PDIA6: variants seen among roughly 807,000 people sequenced by gnomAD.
PDIA6 encodes protein disulfide isomerase family A member 6, also known as protein disulfide-isomerase A6.
PDIA6 carries 29 observed loss-of-function variants against 58.4 expected under a neutral mutation model. That is an observed-to-expected ratio of 0.50 (90% CI 0.37 to 0.68). The LOEUF (loss-of-function observed/expected upper bound fraction) is 0.68, where lower values mean the gene tolerates loss of function less well. PDIA6 is among the 30% of genes least tolerant of loss of function. PDIA6 has a pLI of 0.00. For synonymous variants in PDIA6, 192 were observed against 202.6 expected, an observed-to-expected ratio of 0.95 and a Z score of 0.44; for missense variants, 480 against 551.0, an observed-to-expected ratio of 0.87 and a Z score of 1.29.
intron 1 of PDIA6, among the ~76,000 whole-genome samples, chr2:10,819,945 C>T (rs982667626): frequency 2.0e-5 from 3 of 152,166 alleles, no homozygotes; most frequent in African/African-American, 7.2e-5. Context: ...TCCTGCTGGT[C>T]TCTATTAGAT....
At chr2:10,819,773 T>TA (rs5829277) in intron 1 of PDIA6, among the ~76,000 whole-genome samples, 38,223 of 152,170 alleles carry the variant, frequency 0.25, 5,071 homozygotes, top group Non-Finnish European at 0.27. Context: ...TTGAGCCTAT[T>TA]AAACACTGCT....
chr2:10,786,171 A>C (rs1052521787), intron 11 of PDIA6, among the ~76,000 whole-genome samples: 2 of 152,148 alleles, frequency 1.3e-5, no homozygotes, highest in African/African-American at 4.8e-5. Context: ...AAAAATACAA[A>C]AATTAGCTGG....
upstream of PDIA6, among the ~76,000 whole-genome samples, chr2:10,815,797 G>A (rs1667175823): frequency 2.0e-5 from 3 of 152,056 alleles, no homozygotes; most frequent in African/African-American, 4.8e-5. Flanking sequence ...CGCCTGCCTC[G>A]GCCTCCCAAG....
intron 1 of PDIA6, among the ~76,000 whole-genome samples, chr2:10,806,622 T>TAAAGG (rs1666762322): frequency 2.1e-5 from 1 of 48,692 alleles, no homozygotes. Flanking sequence ...TCCTAAAAAA[T>TAAAGG]AAAGACAGAA....
chr2:10,786,408 G>T lies in PDIA6; in HGVS notation c.1157+873C>A, dbSNP rs116512166. ...AGGAGCCACAGTCTGCCCCCCGCCG[G>T]CAGAGGCTGAAGCAGCTGATCTCAC... On this transcript the variant is annotated intron_variant, in intron 11 of 12. Transcript: ENST00000272227. Among the ~76,000 whole-genome samples the T allele has an allele frequency of 3.1e-3, 477 of 152,226 alleles. 3 individuals are homozygous for T. Among genetic ancestry groups the T allele is most frequent in the African/African-American group, 0.011 (460 of 41,532 alleles).
intron 11 of PDIA6, among the ~76,000 whole-genome samples, chr2:10,786,316 G>A (rs1349345365): frequency 2.4e-5 from 3 of 124,908 alleles, no homozygotes; most frequent in African/African-American, 1.3e-4. Flanking sequence ...CTGTCTCGGG[G>A]GTGGGGGGGA....
At chr2:10,799,687 G>T (rs1666419568) in intron 2 of PDIA6, among the ~76,000 whole-genome samples, 2 of 152,202 alleles carry the variant, frequency 1.3e-5, no homozygotes, top group Non-Finnish European at 2.9e-5. Flanking sequence ...TCAGAAGTCA[G>T]ATTTTTACAG....
intron 1 of PDIA6, among the ~76,000 whole-genome samples, chr2:10,809,579 G>A (rs1433775214): frequency 5.9e-5 from 8 of 136,746 alleles, no homozygotes; most frequent in Non-Finnish European, 1.1e-4. Flanking sequence ...ATCTGTAGCC[G>A]CAGCTACTCC....
At chr2:10,797,620 T>TA (rs1473444648) in intron 3 of PDIA6, 80 bp downstream of exon 3, 7 of 960,662 alleles carry the variant, frequency 7.3e-6, no homozygotes, top group Non-Finnish European at 1.2e-5. Flanking sequence ...TACTTAAACA[T>TA]ACACAGGTGA....
At chr2:10,822,601 A>C (rs971959394) in intron 1 of PDIA6, among the ~76,000 whole-genome samples, 5 of 152,232 alleles carry the variant, frequency 3.3e-5, no homozygotes, top group Admixed American at 1.3e-4. Flanking sequence ...AACAGGGATA[A>C]GTGGGCTCGT....
chr2:10,828,816 C>T lies in PDIA6; in HGVS notation c.-48+3386G>A, dbSNP rs115879032. On this transcript the variant is annotated intron_variant, in intron 1 of 13. Coordinates refer to the PDIA6 transcript ENST00000381611. The stretch of plus-strand genomic sequence containing the variant: ...CCAAATGACCCCTGGCTCTGGCCCC[C>T]GGGTCACAAGTGCATGGATGTGTTC... Among the ~76,000 whole-genome samples the T allele has an allele frequency of 3.5e-3, 530 of 152,324 alleles. 3 individuals carry two copies. Among genetic ancestry groups the T allele is most frequent in the African/African-American group, 0.012 (494 of 41,566 alleles).
At chr2:10,837,701 G>T in exon 1 of PDIA6, 2 of 1,501,660 alleles carry the variant, frequency 1.3e-6, no homozygotes, top group Non-Finnish European at 1.8e-6. Context: ...GGGCAGCCTG[G>T]TGTGCAAGTT....
At chr2:10,803,400 G>A (rs908516049) in intron 1 of PDIA6, among the ~76,000 whole-genome samples, 3 of 152,168 alleles carry the variant, frequency 2.0e-5, no homozygotes, top group Non-Finnish European at 4.4e-5. Flanking sequence ...CAGGTGATCC[G>A]CCTGCCTCGG....
intron 1 of PDIA6, among the ~76,000 whole-genome samples, chr2:10,808,790 T>C (rs934622864): frequency 2.0e-5 from 3 of 152,228 alleles, no homozygotes; most frequent in Admixed American, 6.5e-5. Context: ...ACACACTGAA[T>C]TCTGAAGACT....
In PDIA6 at chr2:10,807,355, G is replaced by C. The variant is rs559688707; in HGVS notation, c.20-4715C>G. On this transcript the variant is annotated intron_variant, in intron 1 of 12. Coordinates refer to ENST00000272227, the MANE Select transcript of PDIA6 (RefSeq NM_005742.4). Reference sequence around the variant, plus strand: ...GCACCCCCAGTAGCTGGGACTACAGGTGCATCCCTGGCTAACTTTTAAATT... The same window carrying C: ...GCACCCCCAGTAGCTGGGACTACAGCTGCATCCCTGGCTAACTTTTAAATT... 1.0e-3 allele frequency among the ~76,000 whole-genome samples: 155 copies of C among 152,270 alleles called. 1 individual carries two copies. The highest frequency in any genetic ancestry group is 3.4e-3 in the African/African-American group (142 of 41,550).
In PDIA6 at chr2:10,788,998, A is replaced by T. The variant is rs1203201827; in HGVS notation, c.841-17T>A. ...GTTGATAATCTGTGGGACCCAAAAG[A>T]CAAGGGACAATCAGGAGGCTGCATG... On this transcript the variant is annotated splice_polypyrimidine_tract_variant and intron_variant, in intron 8 of 12. Transcript: ENST00000272227. The T allele has an allele frequency of 1.9e-6, 3 of 1,602,956 alleles. No homozygotes were observed. The highest frequency in any genetic ancestry group is 2.6e-6 in the Non-Finnish European group (3 of 1,170,010).
chr2:10,813,353 CCTT>C (rs566334642), upstream of PDIA6, among the ~76,000 whole-genome samples: 38 of 152,368 alleles, frequency 2.5e-4, no homozygotes, highest in African/African-American at 7.5e-4. Flanking sequence ...GCCTTCTCCT[CCTT>C]CTCTGGAGAA....
At chr2:10,811,332 CCAA>C (rs1178964411) in intron 1 of PDIA6, among the ~76,000 whole-genome samples, 1 of 152,138 alleles carries the variant, frequency 6.6e-6, no homozygotes. Flanking sequence ...GAGTTTGAGA[CCAA>C]CCTGAGCAAT....
At chr2:10,793,046 T>C in intron 5 of PDIA6, 50 bp downstream of exon 5, 1 of 1,234,386 alleles carries the variant, frequency 8.1e-7, no homozygotes, top group Non-Finnish European at 1.2e-6. Flanking sequence ...AGGTATCCAC[T>C]CTGGCTTCAA....
Sources: allele counts gnomAD v4.1 joint callset (sites outside exome capture counted in the v4.1 genomes callset), GRCh38; gene constraint gnomAD v4.1.1; transcripts MANE v1.5; gene names NCBI Gene and HGNC (gene_info 2026-07-23, HGNC 2026-07-21).